Variants in GRID2 observed in about 807,000 individuals in gnomAD.
GRID2 encodes glutamate ionotropic receptor delta type subunit 2, also known as glutamate receptor ionotropic, delta-2.
Under a neutral mutation model 114.8 loss-of-function variants are expected in GRID2, and 33 were observed. That is an observed-to-expected ratio of 0.29 (90% CI 0.22 to 0.38). GRID2 has a LOEUF of 0.38. GRID2 is among the 10% of genes least tolerant of loss of function. GRID2 has a pLI of 1.00. For synonymous variants in GRID2, 505 were observed against 449.9 expected (o/e 1.12, Z -1.55); for missense variants, 1,184 against 1,257.7 (o/e 0.94, Z 0.89).
intron 2 of GRID2, among the ~76,000 whole-genome samples, chr4:92,712,879 A>G (rs1263568255): frequency 2.0e-5 from 3 of 152,216 alleles, no homozygotes; most frequent in Non-Finnish European, 2.9e-5. Flanking sequence ...TTTGAGATCT[A>G]GCTACTGTAT....
At chr4:93,516,778 A>C (rs753971383) in intron 13 of GRID2, among the ~76,000 whole-genome samples, 2 of 152,132 alleles carry the variant, frequency 1.3e-5, no homozygotes, top group Non-Finnish European at 2.9e-5. Flanking sequence ...GTTCAGAATA[A>C]GTATACACTA....
intron 2 of GRID2, among the ~76,000 whole-genome samples, chr4:92,814,746 A>G (rs1187643470): frequency 6.6e-6 from 1 of 152,158 alleles, no homozygotes; most frequent in African/African-American, 2.4e-5. Flanking sequence ...GGTGTGGAAG[A>G]TGCCATCCAC....
chr4:93,411,802 G>T (rs944375796), intron 9 of GRID2, among the ~76,000 whole-genome samples: 2 of 151,888 alleles, frequency 1.3e-5, no homozygotes, highest in Non-Finnish European at 2.9e-5. Flanking sequence ...TTCTACAGCT[G>T]CCTCAAATGT....
chr4:92,654,786 T>C (rs1208138589), intron 2 of GRID2, among the ~76,000 whole-genome samples: 1 of 152,094 alleles, frequency 6.6e-6, no homozygotes, highest in Non-Finnish European at 1.5e-5. Flanking sequence ...GAACTCCTTA[T>C]ATTCTGGATG....
intron 8 of GRID2, among the ~76,000 whole-genome samples, chr4:93,260,711 G>C (rs1750161648): frequency 6.6e-6 from 1 of 151,732 alleles, no homozygotes; most frequent in African/African-American, 2.4e-5. Flanking sequence ...AAATCCTACT[G>C]CCTTTTTCAA....
rs142589042 is a variant in GRID2, at chr4:93,217,349, G to T, written c.963+438G>T. On this transcript the variant is annotated intron_variant, in intron 6 of 15. Transcript: ENST00000282020. ...ACAAAAAAAATTAGATATGAAAAAA[G>T]TGCTGTAGAATTGTATGGTCATATC... The T allele has an allele frequency of 8.7e-3, 1,345 of 155,194 alleles. 21 individuals carry two copies. Among genetic ancestry groups the T allele is most frequent in the African/African-American group, 0.031 (1,280 of 41,538 alleles). The allele number at this position is 155,194 out of a possible 1,614,324, so 9.6% of individuals were successfully genotyped here.
rs1274478992 is a variant in GRID2 at position 92,621,645 on chromosome 4, C to T, written c.244+31359C>T. ...ACTGCACTTAGCGCAGGGCAAAAAG[C>T]GAGACATCATCTCTTAAAAAAATCC... is the stretch of plus-strand genomic sequence containing the variant. On this transcript the variant is annotated intron_variant, in intron 2 of 15. Coordinates refer to ENST00000282020, the MANE Select transcript of GRID2 (RefSeq NM_001510.4). Among the ~76,000 whole-genome samples, 4 of 151,644 alleles carry T rather than the reference C, an allele frequency of 2.6e-5. No homozygotes were observed. The South Asian group carries it at 6.2e-4, about 24-fold the overall frequency.
chr4:92,548,734 A>G (rs1317512094), intron 1 of GRID2, among the ~76,000 whole-genome samples: 3 of 152,044 alleles, frequency 2.0e-5, no homozygotes, highest in African/African-American at 7.2e-5. Flanking sequence ...TAATCAGCTC[A>G]TGATTTCACA....
intron 14 of GRID2, among the ~76,000 whole-genome samples, chr4:93,695,646 A>G (rs1578592371): frequency 6.6e-6 from 1 of 152,128 alleles, no homozygotes; most frequent in African/African-American, 2.4e-5. Flanking sequence ...GTTTGGCTCT[A>G]TTTTCTCTAT....
At chr4:92,820,938 A>G (rs977503535) in intron 2 of GRID2, among the ~76,000 whole-genome samples, 1 of 152,078 alleles carries the variant, frequency 6.6e-6, no homozygotes, top group Non-Finnish European at 1.5e-5. Flanking sequence ...AATAACCTAG[A>G]AGCAATACTA....
intron 13 of GRID2, among the ~76,000 whole-genome samples, chr4:93,551,946 T>A (rs1488035422): frequency 2.0e-5 from 3 of 151,958 alleles, no homozygotes; most frequent in Non-Finnish European, 4.4e-5. Flanking sequence ...TTGTTACATA[T>A]GTATGCATGT....
chr4:93,029,560 G>T (rs1052372304), intron 2 of GRID2, among the ~76,000 whole-genome samples: 1 of 152,006 alleles, frequency 6.6e-6, no homozygotes, highest in Non-Finnish European at 1.5e-5. Context: ...GAAATAGAAA[G>T]TACCAGTAAA....
chr4:92,458,252 C>A (rs992243814), intron 1 of GRID2, among the ~76,000 whole-genome samples: 4 of 152,080 alleles, frequency 2.6e-5, no homozygotes, highest in Admixed American at 2.6e-4. Context: ...ACGGTGAGAA[C>A]AAAAAGAGAC....
At chr4:92,847,911 A>T (rs1029313956) in intron 2 of GRID2, among the ~76,000 whole-genome samples, 1 of 152,014 alleles carries the variant, frequency 6.6e-6, no homozygotes, top group African/African-American at 2.4e-5. Flanking sequence ...CTTCCTGTGC[A>T]TTTGTGCATT....
At chr4:93,759,270 G>A (rs1404982472) in intron 14 of GRID2, among the ~76,000 whole-genome samples, 1 of 152,076 alleles carries the variant, frequency 6.6e-6, no homozygotes, top group African/African-American at 2.4e-5. Context: ...CTTAGGCAGT[G>A]CAAGACTTAT....
intron 2 of GRID2, among the ~76,000 whole-genome samples, chr4:92,962,274 AC>A (rs1470654087): frequency 6.6e-6 from 1 of 151,758 alleles, no homozygotes; most frequent in Non-Finnish European, 1.5e-5. Context: ...GGTAAGTAGA[AC>A]TGTTGTAAAT....
At position 92,485,324 on chromosome 4, in the gene GRID2, A is replaced by AG. The variant is rs1254280958; in HGVS notation, c.89-104807_89-104806insG. On this transcript the variant is annotated intron_variant, in intron 1 of 15. Transcript: ENST00000282020. ...TGCATATATATATATATATATATAT[A>AG]TATATATATATATATATATATATAG... Among the ~76,000 whole-genome samples, 7 of 97,034 alleles carry AG rather than the reference A, an allele frequency of 7.2e-5. No homozygotes were observed. In the East Asian group the frequency reaches 9.2e-4, roughly 13 times the overall value. The allele number at this position is 97,034 out of a possible 152,430, so 63.7% of individuals were successfully genotyped here.
At chr4:92,787,855 G>C (rs191672807) in intron 2 of GRID2, among the ~76,000 whole-genome samples, 1 of 151,908 alleles carries the variant, frequency 6.6e-6, no homozygotes, top group Admixed American at 6.6e-5. Context: ...GTTGGATTCT[G>C]ACTATCTTTT....
chr4:92,840,010 T>G (rs961502259), intron 2 of GRID2, among the ~76,000 whole-genome samples: 1 of 152,036 alleles, frequency 6.6e-6, no homozygotes, highest in African/African-American at 2.4e-5. Context: ...CACTGTTGAG[T>G]GTACATATAT....
Sources: allele counts gnomAD v4.1 joint callset (sites outside exome capture counted in the v4.1 genomes callset), GRCh38; gene constraint gnomAD v4.1.1; transcripts MANE v1.5; gene names NCBI Gene and HGNC (gene_info 2026-07-23, HGNC 2026-07-21).